The following NUP214 variants were observed in gnomAD, a reference collection of about 807,000 sequenced individuals.
NUP214 encodes the protein nuclear pore complex protein Nup214.
NUP214 carries 79 observed loss-of-function variants against 196.2 expected under a neutral mutation model. The ratio of observed to expected loss-of-function variants is 0.40; its 90% CI spans 0.34 to 0.49. The LOEUF (loss-of-function observed/expected upper bound fraction) is 0.49, where lower values mean the gene tolerates loss of function less well. Among genes scored for constraint, NUP214 ranks in the 20% least tolerant of loss-of-function variants. The pLI is 0.58. For synonymous variants in NUP214, 1,020 were observed against 990.5 expected (o/e 1.03, Z -0.56); for missense variants, 2,468 against 2,539.0 (o/e 0.97, Z 0.60).
In NUP214 at chr9:131,163,851, TA is replaced by T; in HGVS notation, c.2724-17del. On this transcript the variant is annotated intron_variant, in intron 19 of 35. Coordinates refer to ENST00000359428, the MANE Select transcript of NUP214 (RefSeq NM_005085.4). ...TTTCAGCTCCTAGTTGGTCTGTATC[TA>T]ACACTGTTCTGTTTCAGTTTTGACA... 6.2e-7 allele frequency: 1 copy of T among 1,608,002 alleles called. No homozygotes were observed. Among genetic ancestry groups the T allele is most frequent in the Non-Finnish European group, 8.5e-7 (1 of 1,174,502 alleles).
At position 131,144,271 on chromosome 9, in the gene NUP214, TCACTGCA is replaced by T; in HGVS notation, c.1295-8_1295-2del. ...GTTAACATTTTCCTTCCTTTTTTTG[TCACTGCA>T]GGAAGTACTCCCACTACCCCAACCT... On this transcript the variant is annotated splice_acceptor_variant and splice_polypyrimidine_tract_variant and intron_variant, in intron 11 of 35. Transcript: ENST00000359428. LOFTEE classifies it high-confidence loss of function. 6.3e-7 allele frequency: 1 copy of T among 1,599,902 alleles called. No individual in the cohort carries two copies. The highest frequency in any genetic ancestry group is 8.6e-7 in the Non-Finnish European group (1 of 1,169,436).
intron 17 of NUP214, among the ~76,000 whole-genome samples, chr9:131,156,130 CTTT>C (rs71389397): frequency 2.3e-4 from 16 of 70,860 alleles, no homozygotes; most frequent in African/African-American, 4.5e-4. Context: ...GTATTTCTGT[CTTT>C]TTTTTTTTTT....
intron 30 of NUP214, among the ~76,000 whole-genome samples, chr9:131,211,448 T>C (rs1834238184): frequency 6.6e-6 from 1 of 152,186 alleles, no homozygotes; most frequent in South Asian, 2.1e-4. Context: ...GGTAATTCAG[T>C]TGTTGAACAA....
intron 31 of NUP214, among the ~76,000 whole-genome samples, chr9:131,219,526 T>C (rs1437250884): frequency 6.6e-6 from 1 of 152,204 alleles, no homozygotes; most frequent in Non-Finnish European, 1.5e-5. Flanking sequence ...TGGCATGTTC[T>C]GTATCCAGAA....
intron 27 of NUP214, among the ~76,000 whole-genome samples, chr9:131,194,596 A>T (rs1833722470): frequency 6.6e-6 from 1 of 152,158 alleles, no homozygotes; most frequent in South Asian, 2.1e-4. Flanking sequence ...TTCCTTAGCT[A>T]TGGTGTCTTC....
chr9:131,230,509 C>A, intron 33 of NUP214, 121 bp from the exon 34 acceptor site: 1 of 1,206,554 alleles, frequency 8.3e-7, no homozygotes, highest in Non-Finnish European at 1.2e-6. Context: ...TTAGGCCCAG[C>A]CTGTCACCCT....
chr9:131,150,489 CTAGT>C, intron 15 of NUP214, 79 bp downstream of exon 15: 3 of 1,566,716 alleles, frequency 1.9e-6, no homozygotes, highest in African/African-American at 1.4e-5. Flanking sequence ...CCCTGTATGA[CTAGT>C]TAGTTCATTC....
intron 31 of NUP214, among the ~76,000 whole-genome samples, chr9:131,216,940 T>C (rs1834416521): frequency 6.6e-6 from 1 of 152,204 alleles, no homozygotes; most frequent in Admixed American, 6.5e-5. Context: ...TGGGAGCCTG[T>C]CCTGTTTGTC....
At chr9:131,214,937 G>A (rs901154610) in intron 30 of NUP214, among the ~76,000 whole-genome samples, 1 of 152,184 alleles carries the variant, frequency 6.6e-6, no homozygotes, top group Non-Finnish European at 1.5e-5. Flanking sequence ...AACAGACACT[G>A]CGGGCAGTGT....
chr9:131,230,791 C>T (rs1261392727), intron 34 of NUP214, 22 bp downstream of exon 34: 3 of 1,608,026 alleles, frequency 1.9e-6, no homozygotes, highest in Non-Finnish European at 2.5e-6. Flanking sequence ...CAAGTTCTCC[C>T]CTCACAAGCA....
rs181913213 is a variant in NUP214 at position 131,152,039 on chromosome 9, C to A, written c.2436+145C>A. 67 of 613,970 alleles carry A rather than the reference C, an allele frequency of 1.1e-4. 1 individual carries two copies. The Admixed American group carries it at 2.4e-3, about 22-fold the overall frequency. 38.0% of individuals were successfully genotyped at this position (613,970 alleles called of 1,614,324 possible). ...TATAATTTACCACATTTCCCGTAAA[C>A]TTCCTTAACTGTGGCAAACAGTACA... On this transcript the variant is annotated intron_variant, in intron 17 of 35. Transcript: ENST00000359428.
rs1460268274 is a variant in NUP214 at position 131,192,251 on chromosome 9, T to G, written c.3618T>G (p.Ala1206=). 1 of 1,545,984 alleles carries G rather than the reference T, an allele frequency of 6.5e-7. No homozygotes were observed. The highest frequency in any genetic ancestry group is 8.8e-7 in the Non-Finnish European group (1 of 1,140,066). The part of the protein sequence containing the change: ...IETAVTSTPS[A]SGQFSKPFSF... Reference sequence around the variant, plus strand: ...CAGCTGTGACTTCAACCCCATCTGCTTCTGGGCAGTTCAGCAAGCCTTTCT... The same window carrying G: ...CAGCTGTGACTTCAACCCCATCTGCGTCTGGGCAGTTCAGCAAGCCTTTCT... Residue 1206 remains alanine (A), a synonymous_variant, in exon 27 of 36, where the codon GCT becomes GCG. Transcript: ENST00000359428.
chr9:131,195,190 C>A (rs1410470307), intron 27 of NUP214, 43 bp from the exon 28 acceptor site: 3 of 1,417,070 alleles, frequency 2.1e-6, no homozygotes, highest in South Asian at 1.2e-5. Context: ...CAATATTGTG[C>A]CTTGGTTTGT....
intron 23 of NUP214, 146 bp downstream of exon 23, chr9:131,175,767 G>A (rs975424752): frequency 4.1e-6 from 5 of 1,213,966 alleles, no homozygotes; most frequent in Non-Finnish European, 5.4e-6. Flanking sequence ...TCCCCTTTGT[G>A]GAGAGAGTTC....
intron 21 of NUP214, 140 bp from the exon 22 acceptor site, chr9:131,173,915 A>C: frequency 2.7e-6 from 3 of 1,121,818 alleles, no homozygotes; most frequent in Non-Finnish European, 3.8e-6. Flanking sequence ...ATTTGACAAT[A>C]CCTGCTCCCA....
intron 31 of NUP214, among the ~76,000 whole-genome samples, chr9:131,216,635 T>C (rs533195362): frequency 6.6e-6 from 1 of 151,204 alleles, no homozygotes; most frequent in East Asian, 2.0e-4. Flanking sequence ...CAAGCAATTC[T>C]CCCAGCTCAG....
intron 17 of NUP214, among the ~76,000 whole-genome samples, chr9:131,155,745 C>G (rs957737863): frequency 7.9e-5 from 12 of 152,252 alleles, no homozygotes; most frequent in Middle Eastern, 3.4e-3. Context: ...TGTCCTTCCC[C>G]CACTTTATGT....
At position 131,175,475 on chromosome 9, in the gene NUP214, G is replaced by A. The variant is rs1349014556; in HGVS notation, c.3173G>A (p.Ser1058Asn). The change falls in exon 23 of 36, where the codon AGC (serine) becomes AAC (asparagine). Residue 1058 changes from serine (S) to asparagine (N), a missense_variant. Transcript: ENST00000359428. ...VMGTSVATSA[S>N]KIIPQGADST... ...TTCCTCTTAGTGGCTACATCTGCTA[G>A]CAAAATTATTCCTCAAGGGGCCGAT... is the stretch of plus-strand genomic sequence containing the variant. 2.5e-6 allele frequency: 4 copies of A among 1,614,118 alleles called. No individual in the cohort carries two copies. The highest frequency in any genetic ancestry group is 1.6e-4 in the Middle Eastern group (1 of 6,062).
chr9:131,153,620 G>A (rs986723080), intron 17 of NUP214, among the ~76,000 whole-genome samples: 3 of 152,204 alleles, frequency 2.0e-5, no homozygotes, highest in Non-Finnish European at 2.9e-5. Context: ...CACTTATTCA[G>A]GAGGGAATAA....
Sources: gnomAD v4.1 joint callset for allele counts (sites outside exome capture counted in the v4.1 genomes callset) on GRCh38, gnomAD v4.1.1 for gene constraint, MANE v1.5 for transcripts, NCBI Gene and HGNC (gene_info 2026-07-23, HGNC 2026-07-21) for gene names.